The following KANK1 variants were observed in gnomAD, a reference collection of about 807,000 sequenced individuals.
KANK1 encodes the protein KN motif and ankyrin repeat domain-containing protein 1.
A neutral mutation model predicts 106.2 loss-of-function variants in KANK1; 109 were observed. The observed-to-expected ratio is 1.03, with a 90% CI of 0.88 to 1.20. The LOEUF is 1.20. Ranked by LOEUF, KANK1 falls within the 50% of genes most tolerant of loss-of-function variation. The probability of loss-of-function intolerance (pLI) is 0.00; values close to 1 mark genes in which losing one functional copy is unlikely to be tolerated. For synonymous variants in KANK1, 873 were observed against 652.2 expected, an observed-to-expected ratio of 1.34 and a Z score of -5.16; for missense variants, 2,399 against 1,710.7, an observed-to-expected ratio of 1.40 and a Z score of -7.10.
chr9:477,505 C>T (rs1305317052), intron 3 of KANK1, among the ~76,000 whole-genome samples: 2 of 152,134 alleles, frequency 1.3e-5, no homozygotes, highest in Non-Finnish European at 2.9e-5. Context: ...TAAGAGGTGT[C>T]CCTACTGCAC....
chr9:711,070 C>A lies in KANK1; in HGVS notation c.304C>A (p.Gln102Lys). 6.2e-7 allele frequency: 1 copy of A among 1,614,184 alleles called. No individual in the cohort carries two copies. The highest frequency in any genetic ancestry group is 1.3e-5 in the African/African-American group (1 of 75,046). Residue 102 changes from glutamine to lysine, a missense_variant, in exon 3 of 12, where the codon CAG becomes AAG. Gln to Lys is a moderately conservative substitution (Grantham distance 53). Coordinates refer to ENST00000382297, the MANE Select transcript of KANK1 (RefSeq NM_015158.5). ...LSSSNSDDNK[Q>K]CPNFLIARSQ... is the part of the protein sequence containing the mutation. ...ATCCTCCAACAGTGATGACAACAAG[C>A]AGTGCCCCAACTTCCTCATAGCCAG...
chr9:591,627 G>GCA (rs899914091), intron 1 of KANK1, among the ~76,000 whole-genome samples: 18 of 151,338 alleles, frequency 1.2e-4, no homozygotes, highest in African/African-American at 2.2e-4. Context: ...GTGCACACGC[G>GCA]CACACACACA....
chr9:730,659 C>T (rs113841291), intron 4 of KANK1: 5,026 of 212,672 alleles, frequency 0.024, 267 homozygotes, highest in African/African-American at 0.11. Context: ...CGCCACTGCA[C>T]TCCAGCCTGG....
In KANK1 at chr9:537,507, T is replaced by TG. The variant is rs201280125; in HGVS notation, c.-84+32760dup. Among the ~76,000 whole-genome samples, 811 of 152,258 alleles carry TG rather than the reference T, an allele frequency of 5.3e-3. 7 individuals carry two copies. Among genetic ancestry groups the TG allele is most frequent in the South Asian group, 0.013 (61 of 4,816 alleles). On this transcript the variant is annotated intron_variant, in intron 1 of 11. Transcript: ENST00000382297. ...TAATGTCTTTGATAAACAAGTAATT[T>TG]GGGGGGGCTCTTTTTTTCTCTTGAG...
chr9:611,467 G>T (rs967212993), intron 1 of KANK1, among the ~76,000 whole-genome samples: 1 of 152,184 alleles, frequency 6.6e-6, no homozygotes, highest in Non-Finnish European at 1.5e-5. Context: ...TGTCTCTCAT[G>T]CTTTTCAGAT....
rs16912657 is a variant in KANK1 at position 482,179 on chromosome 9, G to A, written c.-362+8906G>A. The stretch of plus-strand genomic sequence containing the variant: ...GCCTGGTACATATCCCAGCCTCACC[G>A]CCTGTTTGCAGACTTGTCAACACAG... On this transcript the variant is annotated intron_variant, in intron 3 of 15. Transcript: ENST00000382303. Among the ~76,000 whole-genome samples the A allele has an allele frequency of 5.3e-3, 814 of 152,172 alleles. 5 individuals carry two copies. Among genetic ancestry groups the A allele is most frequent in the African/African-American group, 0.018 (727 of 41,520 alleles).
rs78459406 is a variant in KANK1, at chr9:653,015, G to A, written c.-83-23875G>A. ...TCACTGTGCCAGAGAAGCTTTCTGC[G>A]CACAGCTGGGTCCTGTGAGGCAAGA... On this transcript the variant is annotated intron_variant, in intron 1 of 11. Transcript: ENST00000382297. 7.4e-3 allele frequency among the ~76,000 whole-genome samples: 1,123 copies of A among 152,296 alleles called. 11 individuals carry two copies. The highest frequency in any genetic ancestry group is 0.026 in the African/African-American group (1,070 of 41,540).
intron 2 of KANK1, among the ~76,000 whole-genome samples, chr9:679,152 G>A (rs577796761): frequency 6.6e-6 from 1 of 152,144 alleles, no homozygotes; most frequent in East Asian, 1.9e-4. Context: ...GTGACTTTCA[G>A]GGTGTCAGAG....
chr9:544,060 G>C (rs567061103), intron 1 of KANK1, among the ~76,000 whole-genome samples: 2 of 151,210 alleles, frequency 1.3e-5, no homozygotes, highest in South Asian at 2.1e-4. Flanking sequence ...ATGTTCTGTT[G>C]CCCAGGCTGG....
At chr9:738,191 C>T (rs1354833594) in intron 7 of KANK1, 94 bp from the exon 8 acceptor site, 3 of 1,023,494 alleles carry the variant, frequency 2.9e-6, no homozygotes, top group Admixed American at 2.3e-5. Context: ...CATATATATA[C>T]TTTGACTATA....
chr9:554,847 T>C (rs1224938112), intron 1 of KANK1, among the ~76,000 whole-genome samples: 1 of 152,162 alleles, frequency 6.6e-6, no homozygotes, highest in Non-Finnish European at 1.5e-5. Flanking sequence ...TGTGAAAATT[T>C]AAAAAACGAG....
At chr9:634,546 A>C (rs1372282721) in intron 1 of KANK1, among the ~76,000 whole-genome samples, 4 of 152,186 alleles carry the variant, frequency 2.6e-5, no homozygotes, top group Admixed American at 6.5e-5. Context: ...GTATGCTTAC[A>C]TGTTAGCAGA....
rs574938621 is a variant in KANK1 at position 634,786 on chromosome 9, C to T, written c.-83-42104C>T. On this transcript the variant is annotated intron_variant, in intron 1 of 11. Transcript: ENST00000382297. ...TGGAGTTGAACCATGCTAGATTTCT[C>T]TCAATGTCATCATTTTTGCAAAAGG... Among the ~76,000 whole-genome samples, 150 of 152,304 alleles carry T rather than the reference C, an allele frequency of 9.8e-4. 2 individuals carry two copies. The highest frequency in any genetic ancestry group is 5.2e-3 in the Admixed American group (80 of 15,304).
intron 1 of KANK1, among the ~76,000 whole-genome samples, chr9:581,515 A>G (rs1213897039): frequency 4.1e-5 from 2 of 48,970 alleles, no homozygotes; most frequent in Non-Finnish European, 8.4e-5. Context: ...ACTAGCTATG[A>G]ACCATTCTTC....
Position 712,517 on chromosome 9 carries a change from G to C in KANK1, c.1751G>C (p.Arg584Thr), listed in dbSNP as rs756657237. 2 of 1,614,192 alleles carry C rather than the reference G, an allele frequency of 1.2e-6. No individual in the cohort carries two copies. The highest frequency in any genetic ancestry group is 1.1e-5 in the South Asian group (1 of 91,078). ...GAAATGCATGACCGATGTGCTGGGA[G>C]GTCTGTGGAAATGTGTGACAAGAGT... is the stretch of plus-strand genomic sequence containing the variant. ...RVEMHDRCAG[R>T]SVEMCDKSVS... The change falls in exon 3 of 12, where the codon AGG (arginine) becomes ACG (threonine). Residue 584 changes from arginine to threonine, a missense_variant. Arg to Thr is a moderately conservative substitution (Grantham distance 71, BLOSUM62 -1). Coordinates refer to ENST00000382297, the MANE Select transcript of KANK1 (RefSeq NM_015158.5).
At chr9:548,931 TAAG>T (rs2061101812) in intron 1 of KANK1, among the ~76,000 whole-genome samples, 1 of 151,822 alleles carries the variant, frequency 6.6e-6, no homozygotes, top group Non-Finnish European at 1.5e-5. Flanking sequence ...AAAAATAAAA[TAAG>T]AGAGGGGGAC....
At chr9:686,623 C>T (rs1818644455) in intron 2 of KANK1, among the ~76,000 whole-genome samples, 2 of 152,152 alleles carry the variant, frequency 1.3e-5, no homozygotes, top group African/African-American at 4.8e-5. Flanking sequence ...CCTTTGCCAC[C>T]AGATTTTTCC....
At chr9:619,093 C>A (rs1832544677) in intron 1 of KANK1, among the ~76,000 whole-genome samples, 1 of 152,132 alleles carries the variant, frequency 6.6e-6, no homozygotes, top group African/African-American at 2.4e-5. Context: ...TAAGTACAAG[C>A]CTCTCTTTTT....
intron 1 of KANK1, among the ~76,000 whole-genome samples, chr9:624,099 G>A (rs1364683192): frequency 1.3e-5 from 2 of 152,120 alleles, no homozygotes; most frequent in Non-Finnish European, 2.9e-5. Flanking sequence ...GAACCTGGAG[G>A]ACATTATGCT....
Sources: allele counts gnomAD v4.1 joint callset (sites outside exome capture counted in the v4.1 genomes callset), GRCh38; gene constraint gnomAD v4.1.1; transcripts MANE v1.5; gene names NCBI Gene and HGNC (gene_info 2026-07-23, HGNC 2026-07-21).